GADL1: variants seen among roughly 807,000 people sequenced by gnomAD.
GADL1 encodes the protein GAD like acidic amino acid decarboxylase 1.
GADL1 carries 71 observed loss-of-function variants against 69.5 expected under a neutral mutation model. The observed-to-expected ratio is 1.02, with a 90% CI of 0.84 to 1.25. The LOEUF is 1.25. GADL1 is among the 50% of genes most tolerant of loss of function. The probability of loss-of-function intolerance (pLI) is 0.00; values close to 1 mark genes in which losing one functional copy is unlikely to be tolerated. For synonymous variants in GADL1, 254 were observed against 214.4 expected (o/e 1.18, Z -1.62); for missense variants, 737 against 631.8 (o/e 1.17, Z -1.79).
chr3:30,809,340 T>G (rs2125511550), intron 11 of GADL1, among the ~76,000 whole-genome samples: 1 of 152,302 alleles, frequency 6.6e-6, no homozygotes, highest in Non-Finnish European at 1.5e-5. Context: ...AGAGAACTTA[T>G]TTTTTATAAA....
chr3:30,775,873 G>T (rs1012637238), intron 14 of GADL1, among the ~76,000 whole-genome samples: 2 of 152,098 alleles, frequency 1.3e-5, no homozygotes, highest in Admixed American at 6.5e-5. Context: ...GAGGCAGGTG[G>T]ATCACCTGAG....
In GADL1 at chr3:30,800,882, C is replaced by CTAGT. The variant is rs2125506989; in HGVS notation, c.1250+3_1250+6dup. On this transcript the variant is annotated splice_region_variant and intron_variant, in intron 12 of 14. Transcript: ENST00000282538. ...AGAGAGAGAGAGAGAGAGAGAGAGG[C>CTAGT]TAGTACCTAGATAAAGCAAGAGCAC... 6.4e-7 allele frequency: 1 copy of CTAGT among 1,560,130 alleles called. No homozygotes were observed. The highest frequency in any genetic ancestry group is 2.3e-5 in the East Asian group (1 of 44,170).
chr3:30,807,033 TG>T (rs1697268267), intron 11 of GADL1, among the ~76,000 whole-genome samples: 1 of 152,220 alleles, frequency 6.6e-6, no homozygotes, highest in Non-Finnish European at 1.5e-5. Flanking sequence ...CTTAACATCT[TG>T]GGCTTCATTT....
intron 1 of GADL1, among the ~76,000 whole-genome samples, chr3:30,893,278 A>G (rs1411725522): frequency 2.0e-5 from 3 of 151,980 alleles, no homozygotes; most frequent in African/African-American, 2.4e-5. Flanking sequence ...TTTAATTGAG[A>G]CATCATAATT....
rs151084625 is a variant in GADL1, at chr3:30,744,847, A to G, written c.1393-16432T>C. On this transcript the variant is annotated intron_variant, in intron 14 of 14. Coordinates refer to ENST00000282538, the MANE Select transcript of GADL1 (RefSeq NM_207359.3). The stretch of plus-strand genomic sequence containing the variant: ...AACAAATGAGAGTGGCCATGTTCCA[A>G]TACAACTTTATTTACAAAAAAATGA... 2.7e-3 allele frequency among the ~76,000 whole-genome samples: 417 copies of G among 152,354 alleles called. 4 individuals are homozygous for G. The Middle Eastern group carries it at 0.058, about 21-fold the overall frequency.
intron 9 of GADL1, among the ~76,000 whole-genome samples, chr3:30,834,975 T>C (rs1365668951): frequency 6.6e-6 from 1 of 152,114 alleles, no homozygotes. Flanking sequence ...GGTGCAGACA[T>C]AAATTTTAAT....
At chr3:30,763,095 G>C (rs1258516444) in intron 14 of GADL1, among the ~76,000 whole-genome samples, 1 of 152,078 alleles carries the variant, frequency 6.6e-6, no homozygotes. Flanking sequence ...TAAAAATCTA[G>C]CACCATAAAT....
At chr3:30,887,894 C>T (rs1274192562) in intron 1 of GADL1, among the ~76,000 whole-genome samples, 1 of 152,102 alleles carries the variant, frequency 6.6e-6, no homozygotes, top group Non-Finnish European at 1.5e-5. Flanking sequence ...AAAGTAATGA[C>T]AGTCAATGCT....
At chr3:30,739,681 C>T (rs555164474) in intron 14 of GADL1, among the ~76,000 whole-genome samples, 9 of 152,158 alleles carry the variant, frequency 5.9e-5, no homozygotes, top group Non-Finnish European at 8.8e-5. Context: ...AAAACCTGAA[C>T]TTTTAAAGTC....
chr3:30,803,475 G>A lies in GADL1; in HGVS notation c.1051-2387C>T, dbSNP rs1205362274. ...AAGATTAAAAATCCCCAAAGCAAACGAACTTTGGACATTTCTTGAGCAAGT... is the reference window on the plus strand; with the variant it reads ...AAGATTAAAAATCCCCAAAGCAAACAAACTTTGGACATTTCTTGAGCAAGT... On this transcript the variant is annotated intron_variant, in intron 11 of 14. Coordinates refer to ENST00000282538, the MANE Select transcript of GADL1 (RefSeq NM_207359.3). 2.7e-5 allele frequency among the ~76,000 whole-genome samples: 4 copies of A among 150,100 alleles called. No homozygotes were observed. In the East Asian group the frequency reaches 7.7e-4, roughly 29 times the overall value.
At chr3:30,810,641 C>G (rs1191404158) in intron 11 of GADL1, among the ~76,000 whole-genome samples, 1 of 152,082 alleles carries the variant, frequency 6.6e-6, no homozygotes, top group Non-Finnish European at 1.5e-5. Context: ...GTGTCCAGCT[C>G]AAGGCAGAAG....
At chr3:30,754,749 A>ATG (rs1278312300) in intron 14 of GADL1, among the ~76,000 whole-genome samples, 1 of 152,210 alleles carries the variant, frequency 6.6e-6, no homozygotes, top group Non-Finnish European at 1.5e-5. Flanking sequence ...GATGTTTACT[A>ATG]TGTTTAACAG....
At chr3:30,865,986 T>C (rs1698397144) in intron 1 of GADL1, among the ~76,000 whole-genome samples, 1 of 148,928 alleles carries the variant, frequency 6.7e-6, no homozygotes, top group Non-Finnish European at 1.5e-5. Flanking sequence ...TACATTGTTC[T>C]CCCTTGATTA....
intron 12 of GADL1, among the ~76,000 whole-genome samples, chr3:30,793,522 CTT>C (rs1313262895): frequency 6.6e-6 from 1 of 152,026 alleles, no homozygotes; most frequent in African/African-American, 2.4e-5. Flanking sequence ...TCATGAAACT[CTT>C]TGTCCTTTCC....
At chr3:30,773,571 T>C (rs763828083) in intron 14 of GADL1, among the ~76,000 whole-genome samples, 3 of 152,214 alleles carry the variant, frequency 2.0e-5, no homozygotes, top group Non-Finnish European at 4.4e-5. Flanking sequence ...AAAATTTCGA[T>C]ATTAATATAC....
chr3:30,821,134 T>G (rs893553445), intron 11 of GADL1, among the ~76,000 whole-genome samples: 28 of 151,782 alleles, frequency 1.8e-4, no homozygotes, highest in African/African-American at 6.8e-4. Context: ...TGAGAACACA[T>G]GGACACAGGA....
intron 14 of GADL1, among the ~76,000 whole-genome samples, chr3:30,771,650 A>G (rs1696422083): frequency 6.6e-6 from 1 of 152,242 alleles, no homozygotes; most frequent in African/African-American, 2.4e-5. Context: ...ATAAGGTTTA[A>G]AAAAGAACCT....
chr3:30,843,055 T>C (rs1332553277), intron 8 of GADL1, among the ~76,000 whole-genome samples: 4 of 152,164 alleles, frequency 2.6e-5, no homozygotes, highest in South Asian at 2.1e-4. Context: ...CCTATGAGGA[T>C]AGATACACTT....
chr3:30,801,972 G>T (rs974461822), intron 11 of GADL1, among the ~76,000 whole-genome samples: 19 of 152,114 alleles, frequency 1.2e-4, no homozygotes, highest in African/African-American at 4.3e-4. Context: ...TATACCATTT[G>T]CTTGAATCTA....
Sources: allele counts gnomAD v4.1 joint callset (sites outside exome capture counted in the v4.1 genomes callset), GRCh38; gene constraint gnomAD v4.1.1; transcripts MANE v1.5; gene names NCBI Gene and HGNC (gene_info 2026-07-23, HGNC 2026-07-21).